The following MEI4 variants were observed in gnomAD, a reference collection of about 807,000 sequenced individuals.
MEI4 encodes the protein meiosis-specific protein MEI4.
Under a neutral mutation model 31.4 loss-of-function variants are expected in MEI4, and 27 were observed. The ratio of observed to expected loss-of-function variants is 0.86; its 90% CI spans 0.63 to 1.19. The LOEUF (loss-of-function observed/expected upper bound fraction) is 1.19, where lower values mean the gene tolerates loss of function less well. Among genes scored for constraint, MEI4 ranks in the 50% most tolerant of loss-of-function variants. The pLI is 0.00. For synonymous variants in MEI4, 122 were observed against 145.4 expected (o/e 0.84, Z 1.16); for missense variants, 329 against 398.9 (o/e 0.82, Z 1.49).
At chr6:77,910,232 A>G (rs1766401320) in intron 4 of MEI4, among the ~76,000 whole-genome samples, 1 of 152,114 alleles carries the variant, frequency 6.6e-6, no homozygotes, top group Admixed American at 6.6e-5. Flanking sequence ...AGAAGGAAAT[A>G]AAGGGCATTC....
At chr6:77,822,095 A>G (rs185824589) in intron 3 of MEI4, among the ~76,000 whole-genome samples, 9 of 152,152 alleles carry the variant, frequency 5.9e-5, no homozygotes, top group Admixed American at 3.3e-4. Context: ...TCTTTTGACC[A>G]TTGAGGACCT....
chr6:77,745,296 C>CA (rs971319926), intron 2 of MEI4, among the ~76,000 whole-genome samples: 40 of 151,662 alleles, frequency 2.6e-4, no homozygotes, highest in African/African-American at 9.4e-4. Context: ...AAATGGAAAA[C>CA]AAAAAAAGGC....
At chr6:77,864,726 C>T (rs1467582363) in intron 4 of MEI4, among the ~76,000 whole-genome samples, 1 of 152,144 alleles carries the variant, frequency 6.6e-6, no homozygotes, top group Non-Finnish European at 1.5e-5. Context: ...CTGCACTAAG[C>T]AGACCTAATA....
chr6:77,815,317 A>G (rs1482253137), intron 3 of MEI4, among the ~76,000 whole-genome samples: 1 of 152,110 alleles, frequency 6.6e-6, no homozygotes, highest in African/African-American at 2.4e-5. Context: ...TTAAAGGATA[A>G]TATCTGTAGC....
chr6:77,760,842 C>G (rs1768025528), intron 2 of MEI4, among the ~76,000 whole-genome samples: 1 of 152,248 alleles, frequency 6.6e-6, no homozygotes, highest in East Asian at 1.9e-4. Flanking sequence ...TTGTGGCTTT[C>G]TCTTCTGCAT....
intron 1 of MEI4, among the ~76,000 whole-genome samples, chr6:77,658,692 A>T (rs185665574): frequency 6.6e-6 from 1 of 152,242 alleles, no homozygotes; most frequent in Non-Finnish European, 1.5e-5. Flanking sequence ...GTTGTATATA[A>T]TGATTGGTGA....
intron 2 of MEI4, among the ~76,000 whole-genome samples, chr6:77,701,832 TG>T (rs367633744): frequency 6.6e-6 from 1 of 152,106 alleles, no homozygotes; most frequent in African/African-American, 2.4e-5. Context: ...GTAGTGGAGG[TG>T]GAGGGCAGTA....
Position 77,923,532 on chromosome 6 carries a change from C to A in MEI4, c.*186C>A. ...AAATTTTATGAGTCATATTTCTATA[C>A]TAAAATCAGCCAGTTTCGGTTGGTA... On this transcript the variant is annotated 3_prime_UTR_variant, in exon 5 of 5. Coordinates refer to ENST00000684080, the MANE Select transcript of MEI4 (RefSeq NM_001322247.2). The A allele has an allele frequency of 4.2e-6, 2 of 474,658 alleles. No homozygotes were observed. Among genetic ancestry groups the A allele is most frequent in the Non-Finnish European group, 6.5e-6 (2 of 307,710 alleles). 29.4% of individuals were successfully genotyped at this position (474,658 alleles called of 1,614,324 possible).
At chr6:77,729,384 C>T (rs1013839071) in intron 2 of MEI4, among the ~76,000 whole-genome samples, 2 of 152,196 alleles carry the variant, frequency 1.3e-5, no homozygotes, top group Middle Eastern at 3.2e-3. Context: ...GTGTTTCTCA[C>T]ACTGGAATAA....
chr6:77,663,967 T>C (rs1471674792), intron 1 of MEI4, among the ~76,000 whole-genome samples: 1 of 152,178 alleles, frequency 6.6e-6, no homozygotes, highest in African/African-American at 2.4e-5. Flanking sequence ...TTAAGAGGAA[T>C]CCCGGGCTGC....
At chr6:77,750,993 T>C (rs1006190232) in intron 2 of MEI4, among the ~76,000 whole-genome samples, 2 of 152,156 alleles carry the variant, frequency 1.3e-5, no homozygotes, top group Non-Finnish European at 2.9e-5. Context: ...GCATGGAAAC[T>C]GAACAACCTG....
At chr6:77,806,580 A>G (rs1476705649) in intron 3 of MEI4, among the ~76,000 whole-genome samples, 1 of 152,174 alleles carries the variant, frequency 6.6e-6, no homozygotes, top group Non-Finnish European at 1.5e-5. Context: ...ATTAATAAGT[A>G]TTGAACCAAT....
intron 2 of MEI4, among the ~76,000 whole-genome samples, chr6:77,721,922 G>A (rs555941552): frequency 1.6e-5 from 2 of 128,958 alleles, no homozygotes; most frequent in East Asian, 5.3e-4. Context: ...TCAATATAAT[G>A]AATAATATAA....
At chr6:77,882,874 A>C (rs1477552546) in intron 4 of MEI4, among the ~76,000 whole-genome samples, 2 of 152,242 alleles carry the variant, frequency 1.3e-5, no homozygotes, top group East Asian at 3.8e-4. Context: ...TTAGTTCCCC[A>C]AAAATGTAAA....
At chr6:77,801,467 T>C (rs997845505) in intron 3 of MEI4, among the ~76,000 whole-genome samples, 1 of 152,082 alleles carries the variant, frequency 6.6e-6, no homozygotes, top group Non-Finnish European at 1.5e-5. Flanking sequence ...TTTTGAAGGG[T>C]TTTTTGTGTC....
chr6:77,848,670 A>C lies in MEI4; in HGVS notation c.900+19608A>C, dbSNP rs1301710650. Reference sequence around the variant, plus strand: ...CTTCCCAGCTAGATTGCCAACCTCTAAACTACTCTCTCAAGGAAACTCTGA... The same window carrying C: ...CTTCCCAGCTAGATTGCCAACCTCTCAACTACTCTCTCAAGGAAACTCTGA... On this transcript the variant is annotated intron_variant, in intron 4 of 4. Coordinates refer to ENST00000684080, the MANE Select transcript of MEI4 (RefSeq NM_001322247.2). Among the ~76,000 whole-genome samples the C allele has an allele frequency of 2.6e-5, 4 of 152,136 alleles. No individual in the cohort carries two copies. The East Asian group carries it at 7.7e-4, about 29-fold the overall frequency.
intron 2 of MEI4, among the ~76,000 whole-genome samples, chr6:77,731,124 A>G (rs1436077004): frequency 2.0e-5 from 3 of 151,838 alleles, no homozygotes; most frequent in Non-Finnish European, 2.9e-5. Flanking sequence ...ATGATTTATA[A>G]TCCTTTGGGT....
At chr6:77,750,710 A>G (rs1489098134) in intron 2 of MEI4, among the ~76,000 whole-genome samples, 2 of 152,118 alleles carry the variant, frequency 1.3e-5, no homozygotes, top group Admixed American at 6.6e-5. Flanking sequence ...GGACAGATCA[A>G]TGAGACAAAA....
intron 4 of MEI4, among the ~76,000 whole-genome samples, chr6:77,858,058 T>C (rs1770783663): frequency 6.6e-6 from 1 of 152,198 alleles, no homozygotes; most frequent in African/African-American, 2.4e-5. Flanking sequence ...CATATTCAGG[T>C]ATAAGTTTTA....
Sources: allele counts gnomAD v4.1 joint callset (sites outside exome capture counted in the v4.1 genomes callset), GRCh38; gene constraint gnomAD v4.1.1; transcripts MANE v1.5; gene names NCBI Gene and HGNC (gene_info 2026-07-23, HGNC 2026-07-21).